DNAH14: variants seen among roughly 807,000 people sequenced by gnomAD.
DNAH14 encodes the protein axonemal beta dynein heavy chain 14.
DNAH14 carries 478 observed loss-of-function variants against 520.9 expected under a neutral mutation model. That is an observed-to-expected ratio of 0.92 (90% CI 0.85 to 0.99). The LOEUF is 0.99. Ranked by LOEUF, DNAH14 falls within the 50% of genes least tolerant of loss-of-function variation. The pLI, the probability that DNAH14 is intolerant of heterozygous loss-of-function variation, is 0.00. For missense variants in DNAH14, 4,831 were observed against 5,234.5 expected, an observed-to-expected ratio of 0.92 and a Z score of 2.38; for synonymous variants, 1,581 against 1,757.2, an observed-to-expected ratio of 0.90 and a Z score of 2.51.
At chr1:225,276,947 A>AAGGG (rs2093483043) in intron 53 of DNAH14, among the ~76,000 whole-genome samples, 1 of 16,328 alleles carries the variant, frequency 6.1e-5, no homozygotes, top group Non-Finnish European at 1.4e-4. Context: ...AAGAAAAAGG[A>AAGGG]AGGAAGGAAG....
At chr1:225,183,687 A>C (rs1309120402) in intron 36 of DNAH14, among the ~76,000 whole-genome samples, 3 of 151,008 alleles carry the variant, frequency 2.0e-5, no homozygotes, top group Non-Finnish European at 4.4e-5. Context: ...AGATTAACAA[A>C]AAAAAAAAAA....
intron 27 of DNAH14, among the ~76,000 whole-genome samples, chr1:225,136,821 C>T (rs2078988222): frequency 6.6e-6 from 1 of 152,108 alleles, no homozygotes; most frequent in Admixed American, 6.5e-5. Flanking sequence ...TTCCATAATC[C>T]CATAATTCTC....
rs191617363 is a variant in DNAH14 at position 225,253,613 on chromosome 1, A to C, written c.6865+1196A>C. On this transcript the variant is annotated intron_variant, in intron 44 of 85. Transcript: ENST00000682510. ...TTATACTTCTTTACTTAAAAAGAGT[A>C]ATCCTAATCTGTTATCAGAAGATGT... 5.8e-3 allele frequency among the ~76,000 whole-genome samples: 887 copies of C among 152,174 alleles called. 9 individuals carry two copies. The highest frequency in any genetic ancestry group is 0.01 in the Middle Eastern group (3 of 294).
At chr1:225,089,081 G>A (rs1410078351) in intron 21 of DNAH14, among the ~76,000 whole-genome samples, 2 of 152,068 alleles carry the variant, frequency 1.3e-5, no homozygotes, top group African/African-American at 4.8e-5. Context: ...AAAGTGTAGA[G>A]AAAGGAATCC....
intron 49 of DNAH14, among the ~76,000 whole-genome samples, chr1:225,270,092 A>T (rs1250515234): frequency 2.6e-5 from 4 of 152,138 alleles, no homozygotes; most frequent in Non-Finnish European, 5.9e-5. Flanking sequence ...TCAATGATAG[A>T]CTGGATTAAG....
chr1:225,022,044 G>A (rs2065745372), intron 10 of DNAH14, among the ~76,000 whole-genome samples: 1 of 152,162 alleles, frequency 6.6e-6, no homozygotes, highest in Non-Finnish European at 1.5e-5. Context: ...TAACTGGCTA[G>A]CCATATTCAG....
intron 56 of DNAH14, among the ~76,000 whole-genome samples, chr1:225,302,856 G>A (rs144578304): frequency 4.9e-4 from 74 of 152,286 alleles, no homozygotes; most frequent in African/African-American, 1.6e-3. Context: ...AGAGGAAAGA[G>A]TTAAACAGTC....
Position 225,389,627 on chromosome 1 carries a change from C to T in DNAH14, c.13191-107C>T, listed in dbSNP as rs2095880475. The T allele has an allele frequency of 5.4e-6, 7 of 1,297,250 alleles. No individual in the cohort carries two copies. In the Admixed American group the frequency reaches 7.9e-5, roughly 15 times the overall value. 80.4% of individuals were successfully genotyped at this position (1,297,250 alleles called of 1,614,324 possible). The stretch of plus-strand genomic sequence containing the variant: ...GATAAGAGTCCTGCATTGGGGGAAT[C>T]GAAATGAAAAGTAAAAGAAGGGCCC... On this transcript the variant is annotated intron_variant, in intron 82 of 85. Coordinates refer to ENST00000682510, the MANE Select transcript of DNAH14 (RefSeq NM_001367479.1).
At chr1:225,340,149 T>TA (rs1355232205) in intron 68 of DNAH14, among the ~76,000 whole-genome samples, 1 of 152,188 alleles carries the variant, frequency 6.6e-6, no homozygotes, top group Non-Finnish European at 1.5e-5. Flanking sequence ...CTCACTCAGG[T>TA]AAAAACCATG....
At chr1:225,277,973 T>C (rs2093530510) in intron 54 of DNAH14, among the ~76,000 whole-genome samples, 2 of 151,504 alleles carry the variant, frequency 1.3e-5, no homozygotes, top group African/African-American at 4.9e-5. Flanking sequence ...ATATTAATTA[T>C]TTTTATTTAA....
chr1:225,080,806 A>T, intron 19 of DNAH14, 58 bp downstream of exon 19: 1 of 1,450,086 alleles, frequency 6.9e-7, no homozygotes. Context: ...TGGCCTTTGG[A>T]CATCAAGAGC....
At chr1:225,066,221 G>T (rs1373264131) in intron 17 of DNAH14, among the ~76,000 whole-genome samples, 1 of 151,776 alleles carries the variant, frequency 6.6e-6, no homozygotes, top group Non-Finnish European at 1.5e-5. Flanking sequence ...TATTTGAGTT[G>T]CTTATAAATT....
At chr1:225,138,438 G>C (rs2079148949) in intron 27 of DNAH14, among the ~76,000 whole-genome samples, 1 of 152,246 alleles carries the variant, frequency 6.6e-6, no homozygotes, top group Admixed American at 6.5e-5. Context: ...TGCCATGGAA[G>C]TGAGGCCTAC....
chr1:224,993,374 T>C (rs2063183531), intron 8 of DNAH14, among the ~76,000 whole-genome samples: 1 of 152,012 alleles, frequency 6.6e-6, no homozygotes, highest in Non-Finnish European at 1.5e-5. Flanking sequence ...CAGTTGTCTT[T>C]CTTATTTTTG....
In DNAH14 at chr1:225,289,915, T is replaced by G; in HGVS notation, c.8302T>G (p.Cys2768Gly). Residue 2768 changes from cysteine to glycine, a missense_variant, in exon 55 of 86, where the codon TGT becomes GGT. Coordinates refer to ENST00000682510, the MANE Select transcript of DNAH14 (RefSeq NM_001367479.1). ...IGIDGCGKKTCATLACYLTDN... is the reference protein window; with the variant it reads ...IGIDGCGKKTGATLACYLTDN... ...AATAGATGGATGTGGGAAAAAAACA[T>G]GTGCAACCTTGGCCTGTTATTTGAC... 6.9e-7 allele frequency: 1 copy of G among 1,452,032 alleles called. No homozygotes were observed. 89.9% of individuals were successfully genotyped at this position (1,452,032 alleles called of 1,614,324 possible).
intron 41 of DNAH14, among the ~76,000 whole-genome samples, chr1:225,217,279 G>A (rs1574065139): frequency 1.3e-5 from 2 of 152,266 alleles, no homozygotes; most frequent in Middle Eastern, 6.8e-3. Context: ...CATCTCAGAG[G>A]TGCACTGCCC....
At chr1:224,977,531 T>C (rs181784642) in intron 8 of DNAH14, among the ~76,000 whole-genome samples, 1 of 152,056 alleles carries the variant, frequency 6.6e-6, no homozygotes, top group East Asian at 1.9e-4. Context: ...TAACAATAAA[T>C]CAAGAGGAGG....
At chr1:224,991,977 CTATT>C (rs2063088489) in intron 8 of DNAH14, among the ~76,000 whole-genome samples, 1 of 152,210 alleles carries the variant, frequency 6.6e-6, no homozygotes, top group Admixed American at 6.5e-5. Context: ...TTCCCCAACA[CTATT>C]TATTGAAGAG....
chr1:225,099,907 T>A (rs1214319459), intron 22 of DNAH14, among the ~76,000 whole-genome samples: 2 of 151,534 alleles, frequency 1.3e-5, no homozygotes, highest in East Asian at 3.9e-4. Flanking sequence ...TCTAAATTCC[T>A]CCCCTCTTCA....
Sources: gnomAD v4.1 joint callset for allele counts (sites outside exome capture counted in the v4.1 genomes callset) on GRCh38, gnomAD v4.1.1 for gene constraint, MANE v1.5 for transcripts, NCBI Gene and HGNC (gene_info 2026-07-23, HGNC 2026-07-21) for gene names.